LARP4B: variants seen among roughly 807,000 people sequenced by gnomAD.
The protein encoded by LARP4B is La ribonucleoprotein 4B, also known as la-related protein 4B.
A neutral mutation model predicts 89.8 loss-of-function variants in LARP4B; 12 were observed. That is an observed-to-expected ratio of 0.13 (90% CI 0.09 to 0.22). The LOEUF is 0.22. LARP4B is among the 10% of genes least tolerant of loss of function. The pLI is 1.00. For missense variants in LARP4B, 757 were observed against 947.7 expected (o/e 0.80, Z 2.64); for synonymous variants, 367 against 363.3 (o/e 1.01, Z -0.12).
At chr10:958,348 C>G in the LARP4B span, among the ~76,000 whole-genome samples, 1 of 152,206 alleles carries the variant, frequency 6.6e-6, no homozygotes, top group Non-Finnish European at 1.5e-5. Flanking sequence ...GCAGACACCC[C>G]GTGAAAGCAC....
At chr10:859,664 A>T (rs1212336016) in intron 5 of LARP4B, among the ~76,000 whole-genome samples, 3 of 152,262 alleles carry the variant, frequency 2.0e-5, no homozygotes, top group Non-Finnish European at 4.4e-5. Context: ...AGTAATTTGT[A>T]GTATGTCCAG....
At chr10:966,990 CG>C in the LARP4B span, among the ~76,000 whole-genome samples, 2 of 152,250 alleles carry the variant, frequency 1.3e-5, no homozygotes, top group African/African-American at 4.8e-5. Flanking sequence ...ACAAGGCGTT[CG>C]AACCCTTTCC....
chr10:831,365 TCC>T (rs1199737252), intron 8 of LARP4B, among the ~76,000 whole-genome samples: 3 of 151,380 alleles, frequency 2.0e-5, no homozygotes, highest in Admixed American at 6.6e-5. Flanking sequence ...AGATTTACTC[TCC>T]CAGATGACTC....
chr10:910,597 T>C (rs909671820), intron 1 of LARP4B, among the ~76,000 whole-genome samples: 2 of 152,230 alleles, frequency 1.3e-5, no homozygotes, highest in Admixed American at 1.3e-4. Flanking sequence ...AGGGCTTTGC[T>C]GTCTTTGGAC....
the LARP4B span, among the ~76,000 whole-genome samples, chr10:943,015 CGGCTCACTGCAGCTTCTGCCTCCTG>C: frequency 6.7e-6 from 1 of 149,178 alleles, no homozygotes; most frequent in African/African-American, 2.5e-5. Context: ...GGCATGGTCT[CGGCTCACTGCAGCTTCTGCCTCCTG>C]GGTTCAAGAG....
the LARP4B span, among the ~76,000 whole-genome samples, chr10:961,687 A>G: frequency 6.6e-6 from 1 of 152,290 alleles, no homozygotes; most frequent in Non-Finnish European, 1.5e-5. Flanking sequence ...GCTTGTACAG[A>G]GATGATGTGG....
At chr10:827,039 C>CTGAGA (rs1181336228) in intron 11 of LARP4B, among the ~76,000 whole-genome samples, 3 of 152,088 alleles carry the variant, frequency 2.0e-5, no homozygotes, top group African/African-American at 7.2e-5. Flanking sequence ...CTTTGGGAGG[C>CTGAGA]CAAGGGGGGG....
the LARP4B span, chr10:987,592 T>C: frequency 1.3e-5 from 2 of 152,166 alleles, no homozygotes; most frequent in Non-Finnish European, 2.9e-5. Flanking sequence ...AACGAGTTAA[T>C]ATATAGTCAG....
At chr10:976,554 G>A in the LARP4B span, among the ~76,000 whole-genome samples, 18 of 145,018 alleles carry the variant, frequency 1.2e-4, no homozygotes, top group East Asian at 2.5e-3. Context: ...GGTAGGTGCC[G>A]CGTAATGTGT....
chr10:940,926 G>T, the LARP4B span, among the ~76,000 whole-genome samples: 1 of 152,148 alleles, frequency 6.6e-6, no homozygotes, highest in African/African-American at 2.4e-5. Context: ...ATCTTGATTT[G>T]GCAAAATCAC....
At chr10:824,390 TGCTGAG>T (rs1001696526) in intron 13 of LARP4B, among the ~76,000 whole-genome samples, 22 of 152,228 alleles carry the variant, frequency 1.4e-4, no homozygotes, top group African/African-American at 5.3e-4. Context: ...CTTCTCAGCA[TGCTGAG>T]GCAATAGGAT....
At chr10:826,942 G>A (rs1260659874) in intron 11 of LARP4B, among the ~76,000 whole-genome samples, 1 of 152,180 alleles carries the variant, frequency 6.6e-6, no homozygotes, top group Non-Finnish European at 1.5e-5. Flanking sequence ...TTTGCTACTT[G>A]AGAAACTCTT....
intron 1 of LARP4B, among the ~76,000 whole-genome samples, chr10:919,834 T>G (rs2132043838): frequency 6.6e-6 from 1 of 152,308 alleles, no homozygotes; most frequent in Non-Finnish European, 1.5e-5. Context: ...ACCATTTAAT[T>G]TACATGAATT....
intron 11 of LARP4B, among the ~76,000 whole-genome samples, chr10:827,100 C>T (rs1156823021): frequency 1.3e-5 from 2 of 152,154 alleles, no homozygotes; most frequent in East Asian, 3.9e-4. Context: ...ATGGTGAAAC[C>T]CCGTCTCTAC....
At chr10:907,203 T>C (rs185404201) in intron 1 of LARP4B, among the ~76,000 whole-genome samples, 47 of 152,308 alleles carry the variant, frequency 3.1e-4, no homozygotes, top group Non-Finnish European at 4.3e-4. Flanking sequence ...GTTGTATCCC[T>C]AACACAGTAC....
chr10:966,896 CTGGGA>C, the LARP4B span, among the ~76,000 whole-genome samples: 1 of 152,236 alleles, frequency 6.6e-6, no homozygotes, highest in Non-Finnish European at 1.5e-5. Flanking sequence ...GATATCGCTC[CTGGGA>C]TGGTTTGAGT....
chr10:929,412 T>C (rs1386104261), intron 1 of LARP4B, among the ~76,000 whole-genome samples: 1 of 152,110 alleles, frequency 6.6e-6, no homozygotes, highest in East Asian at 1.9e-4. Context: ...CTGGGCAACA[T>C]GCTGAAACCC....
intron 1 of LARP4B, among the ~76,000 whole-genome samples, chr10:895,200 A>T (rs1836149238): frequency 6.6e-6 from 1 of 151,890 alleles, no homozygotes; most frequent in African/African-American, 2.4e-5. Flanking sequence ...AATAAAATAA[A>T]ATAACGTAAA....
At chr10:830,823 T>G (rs777065441) in intron 9 of LARP4B, 44 bp downstream of exon 9, 1 of 856,812 alleles carries the variant, frequency 1.2e-6, no homozygotes, top group East Asian at 2.5e-5. Flanking sequence ...TAGTAAAAAC[T>G]GGTAAACTAT....
Sources: allele counts gnomAD v4.1 joint callset (sites outside exome capture counted in the v4.1 genomes callset), GRCh38; gene constraint gnomAD v4.1.1; transcripts MANE v1.5; gene names NCBI Gene and HGNC (gene_info 2026-07-23, HGNC 2026-07-21).